Variants in SLC25A13 observed in about 807,000 individuals in gnomAD.
SLC25A13 encodes the protein electrogenic aspartate/glutamate antiporter SLC25A13, mitochondrial.
In SLC25A13, 70 loss-of-function variants were observed where a neutral mutation model predicts 85.5. The observed-to-expected ratio is 0.82, with a 90% CI of 0.68 to 1.00. The LOEUF is 1.00. Ranked by LOEUF, SLC25A13 falls within the 50% of genes least tolerant of loss-of-function variation. The pLI, the probability that SLC25A13 is intolerant of heterozygous loss-of-function variation, is 0.00. For missense variants in SLC25A13, 765 were observed against 819.8 expected, an observed-to-expected ratio of 0.93 and a Z score of 0.82; for synonymous variants, 259 against 288.7, an observed-to-expected ratio of 0.90 and a Z score of 1.04.
At chr7:96,198,169 GC>G (rs1402347771) in intron 5 of SLC25A13, among the ~76,000 whole-genome samples, 1 of 152,152 alleles carries the variant, frequency 6.6e-6, no homozygotes, top group Non-Finnish European at 1.5e-5. Flanking sequence ...TCATGACACT[GC>G]CACCCGGGAG....
At chr7:96,221,796 T>G (rs183550887) in intron 4 of SLC25A13, among the ~76,000 whole-genome samples, 1 of 152,352 alleles carries the variant, frequency 6.6e-6, no homozygotes, top group East Asian at 1.9e-4. Flanking sequence ...TCATCTAGCC[T>G]ACCCATTTTC....
intron 11 of SLC25A13, among the ~76,000 whole-genome samples, chr7:96,172,736 C>T (rs563650564): frequency 7.2e-5 from 11 of 152,084 alleles, no homozygotes; most frequent in African/African-American, 2.4e-4. Context: ...CTTTGAGGCC[C>T]GTACCTCAAT....
intron 13 of SLC25A13, among the ~76,000 whole-genome samples, chr7:96,150,861 C>A (rs1376949799): frequency 1.3e-5 from 2 of 151,944 alleles, no homozygotes; most frequent in Non-Finnish European, 2.9e-5. Context: ...ACTAATATAG[C>A]AACGTACCCA....
intron 13 of SLC25A13, among the ~76,000 whole-genome samples, chr7:96,164,973 T>A (rs1320135859): frequency 6.6e-6 from 1 of 152,186 alleles, no homozygotes; most frequent in African/African-American, 2.4e-5. Context: ...GAGTCCATTA[T>A]CAGATTTGTC....
intron 14 of SLC25A13, among the ~76,000 whole-genome samples, chr7:96,137,703 T>C (rs780595843): frequency 1.5e-4 from 23 of 152,214 alleles, no homozygotes; most frequent in Non-Finnish European, 3.1e-4. Context: ...CTTGGCTCAC[T>C]GCAACCTCCA....
At chr7:96,301,833 G>T (rs1037179065) in intron 1 of SLC25A13, among the ~76,000 whole-genome samples, 9 of 151,982 alleles carry the variant, frequency 5.9e-5, no homozygotes, top group Non-Finnish European at 1.3e-4. Context: ...TCACTATGTT[G>T]CTCAAGCTAG....
chr7:96,243,828 C>T (rs1197409170), intron 3 of SLC25A13, among the ~76,000 whole-genome samples: 1 of 151,942 alleles, frequency 6.6e-6, no homozygotes, highest in East Asian at 1.9e-4. Context: ...GTAGAGAAGG[C>T]AGGGGAAGGG....
Position 96,184,975 on chromosome 7 carries a change from G to C in SLC25A13, c.970C>G (p.Gln324Glu). 1 of 1,614,208 alleles carries C rather than the reference G, an allele frequency of 6.2e-7. No individual in the cohort carries two copies. Among genetic ancestry groups the C allele is most frequent in the Non-Finnish European group, 8.5e-7 (1 of 1,180,034 alleles). ...AACCTGTAGGCCGACTCTGCAACTT[G>C]TAGAAGAACTGGTCGAGCTGAATCA... ...SGDSARPVLL[Q>E]VAESAYRFGL... Residue 324 changes from glutamine to glutamate, a missense_variant, in exon 10 of 18, where the codon CAA (glutamine) becomes GAA (glutamate). By Grantham distance (29) the Gln-to-Glu change is conservative. Transcript: ENST00000265631.
intron 11 of SLC25A13, 133 bp from the exon 12 acceptor site, chr7:96,171,657 G>A: frequency 1.4e-6 from 1 of 740,488 alleles, no homozygotes; most frequent in Non-Finnish European, 2.4e-6. Flanking sequence ...TACCCTTAAT[G>A]AGAATATTTG....
At chr7:96,302,502 C>A in intron 1 of SLC25A13, among the ~76,000 whole-genome samples, 1 of 152,184 alleles carries the variant, frequency 6.6e-6, no homozygotes, top group East Asian at 1.9e-4. Context: ...AAAACCTACA[C>A]GAAAATAAGA....
Position 96,120,357 on chromosome 7 carries a change from G to A in SLC25A13, c.*834C>T, listed in dbSNP as rs1392323975. On this transcript the variant is annotated 3_prime_UTR_variant, in exon 18 of 18. Transcript: ENST00000265631. Reference sequence around the variant, plus strand: ...AAGATAAAGTGGATTTTAAAAGCAAGTGGGTACCAATGATGGGGAGATGAG... The same window carrying A: ...AAGATAAAGTGGATTTTAAAAGCAAATGGGTACCAATGATGGGGAGATGAG... The A allele has an allele frequency of 6.6e-6, 3 of 454,004 alleles. No homozygotes were observed. The highest frequency in any genetic ancestry group is 2.0e-5 in the African/African-American group (1 of 50,014). 28.1% of individuals were successfully genotyped at this position (454,004 alleles called of 1,614,324 possible). A position where few individuals can be genotyped will look rare whatever the true frequency, so the allele number is the denominator to read the frequency against.
At position 96,228,571 on chromosome 7, in the gene SLC25A13, G is replaced by A. The variant is rs140478317; in HGVS notation, c.328+6231C>T. Among the ~76,000 whole-genome samples, 976 of 152,328 alleles carry A rather than the reference G, an allele frequency of 6.4e-3. 34 individuals are homozygous for A. Among genetic ancestry groups the A allele is most frequent in the Admixed American group, 0.058 (883 of 15,310 alleles). ...GACAATGTGCTGGCAGTCCTCGCTC[G>A]CTCTAGGCGCCTCCTCGGCCTCGGC... On this transcript the variant is annotated intron_variant, in intron 4 of 17. Transcript: ENST00000265631.
At chr7:96,313,725 G>T (rs1426314837) in intron 1 of SLC25A13, among the ~76,000 whole-genome samples, 1 of 152,094 alleles carries the variant, frequency 6.6e-6, no homozygotes, top group Non-Finnish European at 1.5e-5. Context: ...ATATATCCAG[G>T]TAACAAATCT....
intron 4 of SLC25A13, among the ~76,000 whole-genome samples, chr7:96,215,350 C>T (rs1454120255): frequency 6.6e-6 from 1 of 152,268 alleles, no homozygotes; most frequent in South Asian, 2.1e-4. Flanking sequence ...CCACCTCGGC[C>T]TCCCAAAGTG....
At position 96,208,993 on chromosome 7, in the gene SLC25A13, A is replaced by C. The variant is rs1320932355; in HGVS notation, c.329-16T>G. The C allele has an allele frequency of 1.9e-6, 3 of 1,613,604 alleles. No homozygotes were observed. Among genetic ancestry groups the C allele is most frequent in the Non-Finnish European group, 2.5e-6 (3 of 1,179,656 alleles). ...TTAACATCCTCTGAAAAGAGAAAAG[A>C]CAGGTTGATTAAAACAAAGTAAATG... On this transcript the variant is annotated splice_polypyrimidine_tract_variant and intron_variant, in intron 4 of 17. Coordinates refer to ENST00000265631, the MANE Select transcript of SLC25A13 (RefSeq NM_014251.3).
At chr7:96,255,762 T>A (rs1797609839) in intron 3 of SLC25A13, among the ~76,000 whole-genome samples, 1 of 152,010 alleles carries the variant, frequency 6.6e-6, no homozygotes, top group African/African-American at 2.4e-5. Flanking sequence ...GAAGGAAACA[T>A]ACCTAATCCC....
chr7:96,227,558 T>C (rs1796368128), intron 4 of SLC25A13, among the ~76,000 whole-genome samples: 3 of 152,306 alleles, frequency 2.0e-5, no homozygotes, highest in South Asian at 4.1e-4. Flanking sequence ...TAAGATAGTA[T>C]AGTATTAGCG....
At chr7:96,278,694 T>C (rs1025511404) in intron 2 of SLC25A13, among the ~76,000 whole-genome samples, 1 of 152,216 alleles carries the variant, frequency 6.6e-6, no homozygotes, top group African/African-American at 2.4e-5. Context: ...ATTAAATAAA[T>C]GTTCTATAGT....
intron 3 of SLC25A13, among the ~76,000 whole-genome samples, chr7:96,261,100 CT>C (rs1280567478): frequency 6.6e-6 from 1 of 152,136 alleles, no homozygotes; most frequent in Non-Finnish European, 1.5e-5. Context: ...CCCCTCTATT[CT>C]TCTCTATTGA....
Sources: gnomAD v4.1 joint callset for allele counts (sites outside exome capture counted in the v4.1 genomes callset) on GRCh38, gnomAD v4.1.1 for gene constraint, MANE v1.5 for transcripts, NCBI Gene and HGNC (gene_info 2026-07-23, HGNC 2026-07-21) for gene names.